EXOSC7: variants seen among roughly 807,000 people sequenced by gnomAD.
EXOSC7 encodes exosome complex component RRP42.
Under a neutral mutation model 34.3 loss-of-function variants are expected in EXOSC7, and 25 were observed. The ratio of observed to expected loss-of-function variants is 0.73; its 90% confidence interval spans 0.53 to 1.02. The LOEUF (loss-of-function observed/expected upper bound fraction) is 1.02. EXOSC7 is among the 50% of genes least tolerant of loss of function. The probability of loss-of-function intolerance (pLI) is 0.00; values close to 1 mark genes in which losing one functional copy is unlikely to be tolerated. For missense variants in EXOSC7, 370 were observed against 368.5 expected (o/e 1.00, Z -0.03); for synonymous variants, 130 against 143.0 (o/e 0.91, Z 0.65).
chr3:44,985,538 G>C (rs1422166122), intron 1 of EXOSC7, among the ~76,000 whole-genome samples: 1 of 151,700 alleles, frequency 6.6e-6, no homozygotes. Context: ...AGCTCTTAAG[G>C]CGGCACACCT....
At chr3:44,984,398 C>G (rs1422223560) in intron 1 of EXOSC7, among the ~76,000 whole-genome samples, 2 of 151,926 alleles carry the variant, frequency 1.3e-5, no homozygotes, top group African/African-American at 4.8e-5. Context: ...ATTGCTTGAG[C>G]CTAGGAGTTT....
intron 1 of EXOSC7, among the ~76,000 whole-genome samples, chr3:44,987,428 G>A (rs1016246009): frequency 2.6e-5 from 4 of 152,234 alleles, no homozygotes; most frequent in Admixed American, 2.0e-4. Context: ...ATGAAAATTA[G>A]CCAGGCATGG....
chr3:44,990,303 C>T (rs1706534055), intron 3 of EXOSC7, among the ~76,000 whole-genome samples: 1 of 152,174 alleles, frequency 6.6e-6, no homozygotes, highest in Non-Finnish European at 1.5e-5. Context: ...AGAGTGAGTA[C>T]CTAGCACAGT....
intron 3 of EXOSC7, among the ~76,000 whole-genome samples, chr3:44,990,291 A>G (rs1367971831): frequency 8.6e-6 from 1 of 115,668 alleles, no homozygotes; most frequent in Non-Finnish European, 1.8e-5. Flanking sequence ...GAGGAAATGA[A>G]TAGAGTGAGT....
chr3:44,990,993 C>T (rs528258564), intron 3 of EXOSC7, among the ~76,000 whole-genome samples: 5 of 151,868 alleles, frequency 3.3e-5, no homozygotes, highest in Admixed American at 2.0e-4. Flanking sequence ...CTTCCATACA[C>T]GGAAGCTGAT....
chr3:44,986,711 C>T (rs578068972), intron 1 of EXOSC7, among the ~76,000 whole-genome samples: 51 of 152,326 alleles, frequency 3.3e-4, no homozygotes, highest in Non-Finnish European at 6.3e-4. Context: ...CTGCACAGGA[C>T]CTTCCACCTG....
At chr3:44,998,670 A>C (rs1209909806) in intron 4 of EXOSC7, among the ~76,000 whole-genome samples, 2 of 152,252 alleles carry the variant, frequency 1.3e-5, no homozygotes, top group Non-Finnish European at 1.5e-5. Flanking sequence ...GAGCATAGTC[A>C]AAAGGTAGCA....
rs756174408 is a variant in EXOSC7, at chr3:45,007,464, C to T, written c.660C>T (p.Ala220=). 5.6e-6 allele frequency: 9 copies of T among 1,614,210 alleles called. No individual in the cohort carries two copies. The highest frequency in any genetic ancestry group is 3.3e-4 in the Middle Eastern group (2 of 6,062). ...TGGATGCTACTCTTCAGGAGGAGGC[C>T]TGCTCGCTGGCCAGCTTGCTGGTGT... ...HVVDATLQEE[A]CSLASLLVSV... is the part of the protein sequence containing the mutation. Residue 220 remains alanine, a synonymous_variant, in exon 7 of 8, where the codon GCC becomes GCT. Transcript: ENST00000265564.
chr3:44,977,247 A>T (rs1296133236), intron 1 of EXOSC7: 1 of 152,226 alleles, frequency 6.6e-6, no homozygotes, highest in East Asian at 1.9e-4. Context: ...TTGTTAACCT[A>T]CGGTGTGGTC....
chr3:44,987,078 A>T (rs942094542), intron 1 of EXOSC7, among the ~76,000 whole-genome samples: 4 of 108,476 alleles, frequency 3.7e-5, no homozygotes, highest in Non-Finnish European at 5.5e-5. Context: ...TCCTGCATAT[A>T]TATAGTTAAG....
chr3:44,998,366 C>G (rs1353849570), intron 4 of EXOSC7, among the ~76,000 whole-genome samples: 1 of 152,030 alleles, frequency 6.6e-6, no homozygotes, highest in Non-Finnish European at 1.5e-5. Context: ...AACCACCGTG[C>G]CTGGCCTTAA....
At chr3:45,005,536 T>C in intron 6 of EXOSC7, 122 bp downstream of exon 6, 2 of 924,066 alleles carry the variant, frequency 2.2e-6, no homozygotes, top group Non-Finnish European at 3.1e-6. Context: ...TAGAAGTAGC[T>C]TTTACCCAAA....
intron 1 of EXOSC7, among the ~76,000 whole-genome samples, chr3:44,987,341 C>G (rs1276814880): frequency 1.3e-5 from 2 of 152,210 alleles, no homozygotes; most frequent in Non-Finnish European, 2.9e-5. Context: ...TGATAGCTCA[C>G]AAACTCAGAA....
intron 3 of EXOSC7, among the ~76,000 whole-genome samples, chr3:44,995,993 C>T (rs1706711307): frequency 6.6e-6 from 1 of 152,168 alleles, no homozygotes; most frequent in African/African-American, 2.4e-5. Context: ...CTAATTGACA[C>T]TCCTGTGCCC....
intron 1 of EXOSC7, among the ~76,000 whole-genome samples, chr3:44,987,230 C>G (rs904293166): frequency 1.3e-5 from 2 of 151,912 alleles, no homozygotes; most frequent in African/African-American, 4.8e-5. Context: ...TGAAGAGAAA[C>G]CTAGGGTGAA....
intron 3 of EXOSC7, among the ~76,000 whole-genome samples, chr3:44,991,313 C>T (rs1358496306): frequency 6.6e-6 from 1 of 152,154 alleles, no homozygotes; most frequent in Non-Finnish European, 1.5e-5. Context: ...ATGGAATTGG[C>T]CCATCCTTTA....
rs916875086 is a variant in EXOSC7 at position 44,994,907 on chromosome 3, T to G, written c.255-2180T>G. ...TGTGTGTGTGTGTGTGTGTGTGTGT[T>G]TTAAGCCATTTAAAAATAGGTAAAA... On this transcript the variant is annotated intron_variant, in intron 3 of 7. Transcript: ENST00000265564. Among the ~76,000 whole-genome samples, 5 of 130,186 alleles carry G rather than the reference T, an allele frequency of 3.8e-5. No individual in the cohort carries two copies. The Admixed American group carries it at 3.9e-4, about 10-fold the overall frequency. The allele number at this position is 130,186 out of a possible 152,430, so 85.4% of individuals were successfully genotyped here. A position where few individuals can be genotyped will look rare whatever the true frequency, so the allele number is the denominator to read the frequency against.
intron 3 of EXOSC7, among the ~76,000 whole-genome samples, chr3:44,992,610 G>T (rs980048733): frequency 2.0e-5 from 3 of 152,170 alleles, no homozygotes; most frequent in Admixed American, 6.5e-5. Flanking sequence ...ACTAAACTGG[G>T]AGCAAAATCT....
At chr3:44,979,994 A>G (rs555179027) in intron 1 of EXOSC7, among the ~76,000 whole-genome samples, 36 of 152,008 alleles carry the variant, frequency 2.4e-4, no homozygotes, top group East Asian at 1.9e-3. Flanking sequence ...CCCCAAGACA[A>G]CTACTGGGAG....
Sources: allele counts gnomAD v4.1 joint callset (sites outside exome capture counted in the v4.1 genomes callset), GRCh38; gene constraint gnomAD v4.1.1; transcripts MANE v1.5; gene names NCBI Gene and HGNC (gene_info 2026-07-23, HGNC 2026-07-21).